FBXL7: variants seen among roughly 807,000 people sequenced by gnomAD.
The protein encoded by FBXL7 is F-box/LRR-repeat protein 7.
FBXL7 carries 12 observed loss-of-function variants against 38.3 expected under a neutral mutation model. That is an observed-to-expected ratio of 0.31 (90% confidence interval 0.20 to 0.51). FBXL7 has a LOEUF of 0.51. Among genes scored for constraint, FBXL7 ranks in the 20% least tolerant of loss-of-function variants. The pLI is 0.98. For synonymous variants in FBXL7, 297 were observed against 300.9 expected (o/e 0.99, Z 0.13); for missense variants, 567 against 676.4 (o/e 0.84, Z 1.79).
At chr5:15,869,222 C>G (rs1295398611) in intron 2 of FBXL7, among the ~76,000 whole-genome samples, 1 of 152,088 alleles carries the variant, frequency 6.6e-6, no homozygotes, top group Non-Finnish European at 1.5e-5. Context: ...ATCACTTTGC[C>G]TATATTTTCT....
chr5:15,652,335 C>T (rs1036747172), intron 2 of FBXL7, among the ~76,000 whole-genome samples: 5 of 152,070 alleles, frequency 3.3e-5, no homozygotes, highest in African/African-American at 7.2e-5. Context: ...GGCGTGATCT[C>T]GGCTCACTGC....
At chr5:15,589,827 C>T (rs1739415493) in intron 1 of FBXL7, among the ~76,000 whole-genome samples, 1 of 152,142 alleles carries the variant, frequency 6.6e-6, no homozygotes, top group East Asian at 1.9e-4. Context: ...ATGTCATCAT[C>T]AGAGGTGATG....
intron 2 of FBXL7, among the ~76,000 whole-genome samples, chr5:15,872,448 A>G (rs1740007995): frequency 6.6e-6 from 1 of 152,206 alleles, no homozygotes; most frequent in African/African-American, 2.4e-5. Context: ...CCTTAAATGT[A>G]AATGGACTAA....
intron 1 of FBXL7, among the ~76,000 whole-genome samples, chr5:15,608,777 C>T (rs1740121474): frequency 6.6e-6 from 1 of 152,126 alleles, no homozygotes; most frequent in Non-Finnish European, 1.5e-5. Flanking sequence ...TTGCCAGCCC[C>T]AACTATTGTG....
intron 1 of FBXL7, among the ~76,000 whole-genome samples, chr5:15,511,808 G>C (rs770397237): frequency 1.3e-5 from 2 of 152,196 alleles, no homozygotes; most frequent in East Asian, 1.9e-4. Context: ...CATCACTTTT[G>C]CAGCTGTATT....
At chr5:15,560,231 TTTC>T (rs1429142233) in intron 1 of FBXL7, among the ~76,000 whole-genome samples, 3 of 152,158 alleles carry the variant, frequency 2.0e-5, no homozygotes, top group African/African-American at 7.2e-5. Context: ...ATACTTAATA[TTTC>T]TTCTTGTCTG....
intron 2 of FBXL7, among the ~76,000 whole-genome samples, chr5:15,625,595 A>C (rs1023662723): frequency 1.3e-5 from 2 of 152,198 alleles, no homozygotes; most frequent in Admixed American, 6.5e-5. Flanking sequence ...CAGAGGTTGC[A>C]GTGAGCCAAC....
chr5:15,832,406 A>ATCTG (rs1738481392), intron 2 of FBXL7, among the ~76,000 whole-genome samples: 2 of 152,202 alleles, frequency 1.3e-5, no homozygotes, highest in Non-Finnish European at 2.9e-5. Flanking sequence ...TTTGTTCCTT[A>ATCTG]ACAAATACCA....
chr5:15,836,093 G>A (rs1171170236), intron 2 of FBXL7, among the ~76,000 whole-genome samples: 1 of 152,182 alleles, frequency 6.6e-6, no homozygotes, highest in East Asian at 1.9e-4. Context: ...TGTCCTAGAT[G>A]TCGAGGATGT....
chr5:15,885,747 C>G (rs1416331038), intron 2 of FBXL7, among the ~76,000 whole-genome samples: 1 of 152,154 alleles, frequency 6.6e-6, no homozygotes, highest in Non-Finnish European at 1.5e-5. Flanking sequence ...AGGTCTCACT[C>G]TTCCATCCAG....
intron 2 of FBXL7, among the ~76,000 whole-genome samples, chr5:15,635,748 T>C (rs1244567311): frequency 6.6e-6 from 1 of 152,136 alleles, no homozygotes; most frequent in East Asian, 1.9e-4. Context: ...TGTGGATTTA[T>C]TCTAAGAGCC....
chr5:15,530,446 G>A (rs1737386917), intron 1 of FBXL7, among the ~76,000 whole-genome samples: 1 of 152,086 alleles, frequency 6.6e-6, no homozygotes, highest in Non-Finnish European at 1.5e-5. Context: ...TGTTCATTAA[G>A]GGATCCTAGA....
intron 2 of FBXL7, among the ~76,000 whole-genome samples, chr5:15,887,223 C>G (rs567048828): frequency 1.3e-5 from 2 of 152,206 alleles, no homozygotes; most frequent in African/African-American, 4.8e-5. Context: ...AAACTCGATC[C>G]AAGTTTACAT....
At chr5:15,893,778 T>G (rs1451963236) in intron 2 of FBXL7, among the ~76,000 whole-genome samples, 1 of 152,216 alleles carries the variant, frequency 6.6e-6, no homozygotes, top group East Asian at 1.9e-4. Flanking sequence ...TTTGAAGACA[T>G]AATGCTATAG....
intron 2 of FBXL7, among the ~76,000 whole-genome samples, chr5:15,769,556 T>C (rs1471206272): frequency 6.6e-6 from 1 of 152,212 alleles, no homozygotes; most frequent in Non-Finnish European, 1.5e-5. Flanking sequence ...TGGCACCACA[T>C]GGTAATGTAA....
At chr5:15,844,618 A>T (rs1162439983) in intron 2 of FBXL7, among the ~76,000 whole-genome samples, 1 of 152,218 alleles carries the variant, frequency 6.6e-6, no homozygotes, top group Non-Finnish European at 1.5e-5. Flanking sequence ...AGGAAGGATT[A>T]TGGGGCCACA....
rs147445970 is a variant in FBXL7, at chr5:15,540,965, C to T, written c.37+40252C>T. ...AAGATACAAACCTTCAGACCATTGA[C>T]CCTAGGTTTATTATGTTTTAAGATT... On this transcript the variant is annotated intron_variant, in intron 1 of 3. Coordinates refer to ENST00000504595, the MANE Select transcript of FBXL7 (RefSeq NM_012304.5). Among the ~76,000 whole-genome samples the T allele has an allele frequency of 2.0e-5, 3 of 152,074 alleles. No individual in the cohort carries two copies. The East Asian group carries it at 5.8e-4, about 29-fold the overall frequency.
chr5:15,524,936 T>C (rs915555106), intron 1 of FBXL7, among the ~76,000 whole-genome samples: 1 of 152,242 alleles, frequency 6.6e-6, no homozygotes, highest in African/African-American at 2.4e-5. Flanking sequence ...TGGCTGCACC[T>C]GTTCCCATTC....
chr5:15,760,053 T>G (rs1736397431), intron 2 of FBXL7, among the ~76,000 whole-genome samples: 1 of 152,172 alleles, frequency 6.6e-6, no homozygotes, highest in Admixed American at 6.6e-5. Flanking sequence ...TTTCATTTTT[T>G]TTTTCAATTA....
Sources: gnomAD v4.1 joint callset for allele counts (sites outside exome capture counted in the v4.1 genomes callset) on GRCh38, gnomAD v4.1.1 for gene constraint, MANE v1.5 for transcripts, NCBI Gene and HGNC (gene_info 2026-07-23, HGNC 2026-07-21) for gene names.